Variants in KCND3 observed in about 807,000 individuals in gnomAD.
KCND3 encodes potassium voltage-gated channel subfamily D member 3, also known as A-type voltage-gated potassium channel KCND3.
KCND3 carries 9 observed loss-of-function variants against 51.1 expected under a neutral mutation model. That is an observed-to-expected ratio of 0.18 (90% CI 0.11 to 0.31). KCND3 has a LOEUF of 0.31. KCND3 is among the 10% of genes least tolerant of loss of function. The probability of loss-of-function intolerance (pLI) is 1.00; values close to 1 mark genes in which losing one functional copy is unlikely to be tolerated. For missense variants in KCND3, 526 were observed against 903.8 expected (o/e 0.58, Z 5.36); for synonymous variants, 349 against 368.0 (o/e 0.95, Z 0.59).
chr1:111,896,865 A>G (rs1670136602), intron 2 of KCND3, among the ~76,000 whole-genome samples: 1 of 152,150 alleles, frequency 6.6e-6, no homozygotes, highest in Non-Finnish European at 1.5e-5. Flanking sequence ...CCTCAGTTCC[A>G]CCATCATAAG....
intron 2 of KCND3, among the ~76,000 whole-genome samples, chr1:111,965,978 G>T (rs145032044): frequency 9.9e-5 from 15 of 152,256 alleles, no homozygotes; most frequent in African/African-American, 3.4e-4. Flanking sequence ...GCCAATGCAA[G>T]CAGGGCTTGT....
intron 2 of KCND3, among the ~76,000 whole-genome samples, chr1:111,824,119 CA>C (rs34971055): frequency 0.54 from 64,579 of 118,820 alleles, 16,814 homozygotes; most frequent in Non-Finnish European, 0.64. Flanking sequence ...TCTCCAACTC[CA>C]AAAAAAAAAA....
At chr1:111,817,271 G>A (rs1666139598) in intron 2 of KCND3, among the ~76,000 whole-genome samples, 1 of 151,976 alleles carries the variant, frequency 6.6e-6, no homozygotes, top group South Asian at 2.1e-4. Flanking sequence ...GAAAATAAAT[G>A]AGAAAATAGT....
intron 2 of KCND3, among the ~76,000 whole-genome samples, chr1:111,866,268 T>A (rs1178744115): frequency 1.6e-3 from 210 of 128,448 alleles, no homozygotes; most frequent in Admixed American, 0.013. Context: ...CTTTTCTTTT[T>A]TTTTTTTTTT....
At chr1:111,948,130 G>C (rs576016749) in intron 2 of KCND3, among the ~76,000 whole-genome samples, 96 of 152,220 alleles carry the variant, frequency 6.3e-4, no homozygotes, top group Admixed American at 1.6e-3. Context: ...TGGGGAGGCT[G>C]CCCCATCATG....
chr1:111,900,053 A>T (rs1670310571), intron 2 of KCND3, among the ~76,000 whole-genome samples: 1 of 152,138 alleles, frequency 6.6e-6, no homozygotes, highest in Non-Finnish European at 1.5e-5. Context: ...AGTGTTAGAT[A>T]CTGTGTCTTG....
At position 111,818,040 on chromosome 1, in the gene KCND3, G is replaced by GCACACACACA. The variant is rs59035556; in HGVS notation, c.1107-30944_1107-30935dup. On this transcript the variant is annotated intron_variant, in intron 2 of 7. Transcript: ENST00000302127. ...GCTGTTCCCATAGGCACACGCGCGT[G>GCACACACACA]CACACACACACACACACACACACAC... is the stretch of plus-strand genomic sequence containing the variant. 1.9e-3 allele frequency among the ~76,000 whole-genome samples: 276 copies of GCACACACACA among 148,072 alleles called. 1 individual carries two copies. The highest frequency in any genetic ancestry group is 8.9e-3 in the East Asian group (44 of 4,958).
intron 2 of KCND3, among the ~76,000 whole-genome samples, chr1:111,871,835 G>C (rs1205678154): frequency 6.6e-6 from 1 of 152,166 alleles, no homozygotes; most frequent in East Asian, 1.9e-4. Context: ...CAGGAAGACA[G>C]CAGGAGGAGA....
At chr1:111,922,602 A>G (rs1380087850) in intron 2 of KCND3, among the ~76,000 whole-genome samples, 1 of 152,232 alleles carries the variant, frequency 6.6e-6, no homozygotes, top group Non-Finnish European at 1.5e-5. Flanking sequence ...TGGGGATAAT[A>G]TTAACAGCAT....
intron 2 of KCND3, among the ~76,000 whole-genome samples, chr1:111,850,858 G>C (rs1414406236): frequency 6.6e-6 from 1 of 152,332 alleles, no homozygotes; most frequent in East Asian, 1.9e-4. Context: ...CCACAACTGC[G>C]AAGATGGAAC....
chr1:111,987,828 A>C (rs1675373665), intron 1 of KCND3, among the ~76,000 whole-genome samples: 1 of 152,146 alleles, frequency 6.6e-6, no homozygotes, highest in Non-Finnish European at 1.5e-5. Context: ...TTGGCAGAAG[A>C]GTTTGACAGT....
At chr1:111,796,531 A>G (rs1251672990) in intron 2 of KCND3, among the ~76,000 whole-genome samples, 3 of 152,222 alleles carry the variant, frequency 2.0e-5, no homozygotes, top group Non-Finnish European at 4.4e-5. Flanking sequence ...TCAGGAAGAG[A>G]GAACCAAATA....
chr1:111,945,582 C>T (rs983625404), intron 2 of KCND3, among the ~76,000 whole-genome samples: 1 of 152,184 alleles, frequency 6.6e-6, no homozygotes, highest in African/African-American at 2.4e-5. Context: ...CCCAGGACAG[C>T]CATTTGTGTG....
At chr1:111,910,715 G>A (rs1431937857) in intron 2 of KCND3, 2 of 152,172 alleles carry the variant, frequency 1.3e-5, no homozygotes, top group Non-Finnish European at 2.9e-5. Context: ...TGGTACAAAG[G>A]AGTGAATTCT....
intron 2 of KCND3, among the ~76,000 whole-genome samples, chr1:111,850,857 C>A (rs533850314): frequency 6.6e-6 from 1 of 152,196 alleles, no homozygotes; most frequent in Admixed American, 6.5e-5. Context: ...ACCACAACTG[C>A]GAAGATGGAA....
intron 2 of KCND3, among the ~76,000 whole-genome samples, chr1:111,801,523 CAGGTGGGAGGT>C (rs940242875): frequency 1.3e-5 from 2 of 152,188 alleles, no homozygotes; most frequent in African/African-American, 4.8e-5. Flanking sequence ...GAGGTAGTGA[CAGGTGGGAGGT>C]AGAAGTAGGC....
intron 2 of KCND3, among the ~76,000 whole-genome samples, chr1:111,845,290 C>G (rs1667494370): frequency 1.3e-5 from 2 of 152,184 alleles, no homozygotes; most frequent in African/African-American, 4.8e-5. Flanking sequence ...TCTGAGCACA[C>G]CTCACATTTC....
At chr1:111,841,052 C>G (rs1000720705) in intron 2 of KCND3, among the ~76,000 whole-genome samples, 2 of 152,174 alleles carry the variant, frequency 1.3e-5, no homozygotes, top group Admixed American at 1.3e-4. Context: ...GTCTGTTCCA[C>G]CTTTTAAGGG....
chr1:111,923,255 T>C (rs984953739), intron 2 of KCND3, among the ~76,000 whole-genome samples: 1 of 152,310 alleles, frequency 6.6e-6, no homozygotes, highest in African/African-American at 2.4e-5. Context: ...AGATATGGGT[T>C]GCATCCTAGG....
Sources: gnomAD v4.1 joint callset for allele counts (sites outside exome capture counted in the v4.1 genomes callset) on GRCh38, gnomAD v4.1.1 for gene constraint, MANE v1.5 for transcripts, NCBI Gene and HGNC (gene_info 2026-07-23, HGNC 2026-07-21) for gene names.